UMODL1: variants seen among roughly 807,000 people sequenced by gnomAD.
UMODL1 encodes the protein uromodulin like 1.
A neutral mutation model predicts 136.3 loss-of-function variants in UMODL1; 128 were observed. That is an observed-to-expected ratio of 0.94 (90% confidence interval 0.81 to 1.09). UMODL1 has a LOEUF of 1.09. Among genes scored for constraint, UMODL1 ranks in the 50% least tolerant of loss-of-function variants. UMODL1 has a pLI of 0.00. For missense variants in UMODL1, 1,766 were observed against 1,725.6 expected (o/e 1.02, Z -0.41); for synonymous variants, 721 against 720.0 (o/e 1.00, Z -0.02).
In UMODL1 at chr21:42,123,219, G is replaced by T; in HGVS notation, c.3147+69G>T. The T allele has an allele frequency of 2.7e-6, 4 of 1,503,376 alleles. No homozygotes were observed. Among genetic ancestry groups the T allele is most frequent in the Non-Finnish European group, 3.6e-6 (4 of 1,113,938 alleles). The allele number at this position is 1,503,376 out of a possible 1,614,324, so 93.1% of individuals were successfully genotyped here. On this transcript the variant is annotated intron_variant, in intron 17 of 22. Transcript: ENST00000408910. This position sits in a 1 kb window ranked among gnomAD's most constrained non-coding sequence, Gnocchi z 4.4. The stretch of plus-strand genomic sequence containing the variant: ...AGGGGCTCTAGGTTACATGGGCCTC[G>T]ATGTGGGAGGGCCAGGCAAGACTCT...
intron 21 of UMODL1, among the ~76,000 whole-genome samples, chr21:42,134,265 G>T (rs1052107702): frequency 1.6e-4 from 25 of 152,212 alleles, no homozygotes; most frequent in African/African-American, 6.0e-4. Flanking sequence ...ATTTAAGAAA[G>T]AATCCATTCG....
chr21:42,113,396 G>A (rs946089752), intron 12 of UMODL1, among the ~76,000 whole-genome samples, 177 bp from the exon 13 acceptor site: 2 of 152,210 alleles, frequency 1.3e-5, no homozygotes, highest in African/African-American at 2.4e-5. Context: ...GCAGGCCCAG[G>A]AAGCCCGGGC....
intron 10 of UMODL1, among the ~76,000 whole-genome samples, chr21:42,110,168 G>T (rs1348074958): frequency 6.6e-6 from 1 of 152,166 alleles, no homozygotes; most frequent in South Asian, 2.1e-4. Context: ...CTGCTGTATC[G>T]GCCCCCAGTC....
At chr21:42,115,717 T>C (rs1401476124) in intron 13 of UMODL1, among the ~76,000 whole-genome samples, 156 bp from the exon 14 acceptor site, 1 of 152,184 alleles carries the variant, frequency 6.6e-6, no homozygotes, top group Non-Finnish European at 1.5e-5. Flanking sequence ...ATGGGCTGTG[T>C]CCCTGAGCCC....
At chr21:42,139,384 A>G (rs1601293462) in intron 22 of UMODL1, among the ~76,000 whole-genome samples, 2 of 152,172 alleles carry the variant, frequency 1.3e-5, no homozygotes, top group African/African-American at 2.4e-5. Context: ...TGTTTAATCA[A>G]CCAGATCTTA....
chr21:42,068,027 C>T (rs1372154686), upstream of UMODL1, among the ~76,000 whole-genome samples: 1 of 152,090 alleles, frequency 6.6e-6, no homozygotes, highest in East Asian at 1.9e-4. This position sits in a 1 kb window ranked among gnomAD's most constrained non-coding sequence, Gnocchi z 5.5. Flanking sequence ...ACAGAGGCGG[C>T]CCGGAGAACT....
chr21:42,135,003 G>T (rs1419350392), intron 21 of UMODL1, among the ~76,000 whole-genome samples: 1 of 152,190 alleles, frequency 6.6e-6, no homozygotes, highest in Non-Finnish European at 1.5e-5. Context: ...TGCCACGGTG[G>T]TTTGCTGCAC....
At chr21:42,113,889 G>A in intron 13 of UMODL1, 59 bp downstream of exon 13, 1 of 1,572,438 alleles carries the variant, frequency 6.4e-7, no homozygotes, top group Non-Finnish European at 8.6e-7. Flanking sequence ...AAGACTTTCT[G>A]TGGGTTAAGG....
In UMODL1 at chr21:42,123,851, G is replaced by C. The variant is rs868349601; in HGVS notation, c.3147+701G>C. ...TGGCATTAGTCAGAACTGCTCTGTC[G>C]GAGGGACTGTGTTCCTAGCGAACAT... On this transcript the variant is annotated intron_variant, in intron 17 of 22. Transcript: ENST00000408910. This position sits in a 1 kb window ranked among gnomAD's most constrained non-coding sequence, Gnocchi z 4.4. 1.3e-4 allele frequency among the ~76,000 whole-genome samples: 20 copies of C among 152,298 alleles called. No homozygotes were observed. Among genetic ancestry groups the C allele is most frequent in the African/African-American group, 4.1e-4 (17 of 41,576 alleles).
chr21:42,113,635 T>C lies in UMODL1; in HGVS notation c.2167T>C (p.Trp723Arg). 1 of 1,614,070 alleles carries C rather than the reference T, an allele frequency of 6.2e-7. No individual in the cohort carries two copies. The highest frequency in any genetic ancestry group is 1.1e-5 in the South Asian group (1 of 91,084). Reference sequence around the variant, plus strand: ...GACCAGCACCGGCTTCCACCTGGCATGGGAGGCGGATCTTGCTATGGACTC... The same window carrying C: ...GACCAGCACCGGCTTCCACCTGGCACGGGAGGCGGATCTTGCTATGGACTC... ...NVTSTGFHLA[W>R]EADLAMDSTF... The change falls in exon 13 of 23, where the codon TGG becomes CGG. Residue 723 changes from tryptophan (W) to arginine (R), a missense_variant. Transcript: ENST00000408910.
chr21:42,096,353 C>T (rs532957702), intron 6 of UMODL1, among the ~76,000 whole-genome samples: 3 of 152,298 alleles, frequency 2.0e-5, no homozygotes, highest in South Asian at 2.1e-4. Flanking sequence ...GAGGGCTTCA[C>T]AGCATTTGAA....
At chr21:42,098,212 C>T (rs1459626866) in intron 6 of UMODL1, among the ~76,000 whole-genome samples, 4 of 152,156 alleles carry the variant, frequency 2.6e-5, no homozygotes, top group Non-Finnish European at 4.4e-5. Context: ...CCACCGATTC[C>T]GGATCCCAGA....
rs574241725 is a variant in UMODL1, at chr21:42,121,126, C to T, written c.2729C>T (p.Pro910Leu). 23 of 1,613,916 alleles carry T rather than the reference C, an allele frequency of 1.4e-5. No individual in the cohort carries two copies. Among genetic ancestry groups the T allele is most frequent in the East Asian group, 8.9e-5 (4 of 44,886 alleles). Residue 910 changes from proline (P) to leucine (L), a missense_variant, in exon 16 of 23, where the codon CCG becomes CTG. Coordinates refer to ENST00000408910, the MANE Select transcript of UMODL1 (RefSeq NM_001004416.3). ...ECERKEDDCV[P>L]GTSCRNTLGS... ...GAAAGGAAGGAGGACGACTGTGTGC[C>T]GGGGACATCCTGTCGAAACACCCTC...
chr21:42,139,608 C>T (rs556314934), intron 22 of UMODL1, among the ~76,000 whole-genome samples: 88 of 152,242 alleles, frequency 5.8e-4, no homozygotes, highest in Middle Eastern at 3.4e-3. Context: ...GCCAATTTTC[C>T]CTCGATGTTT....
intron 2 of UMODL1, among the ~76,000 whole-genome samples, chr21:42,081,296 C>T (rs560472348): frequency 6.6e-6 from 1 of 152,360 alleles, no homozygotes; most frequent in African/African-American, 2.4e-5. Context: ...CTCAGCCCAC[C>T]CAGTCCTCAG....
At position 42,077,723 on chromosome 21, in the gene UMODL1, G is replaced by C. The variant is rs2124342; in HGVS notation, c.319+1476G>C. Among the ~76,000 whole-genome samples, 66 of 151,872 alleles carry C rather than the reference G, an allele frequency of 4.3e-4. 1 individual carries two copies. The East Asian group carries it at 6.6e-3, about 15-fold the overall frequency. On this transcript the variant is annotated intron_variant, in intron 2 of 22. Coordinates refer to ENST00000408910, the MANE Select transcript of UMODL1 (RefSeq NM_001004416.3). The stretch of plus-strand genomic sequence containing the variant: ...GAGGAAGGGGCTGCCAGTGAAAGAG[G>C]CAAGATGGAGTCTGTCTGGCTCTCT...
At chr21:42,084,754 A>G (rs1156447443) in intron 3 of UMODL1, among the ~76,000 whole-genome samples, 1 of 150,090 alleles carries the variant, frequency 6.7e-6, no homozygotes, top group Non-Finnish European at 1.5e-5. Flanking sequence ...ATATTATTTA[A>G]TATTTAAAAT....
intron 20 of UMODL1, 194 bp downstream of exon 20, chr21:42,128,025 CAT>C (rs1460637508): frequency 1.4e-5 from 10 of 728,544 alleles, no homozygotes; most frequent in South Asian, 1.3e-4. Context: ...ACGGAGGACT[CAT>C]GTGGACTGGT....
At chr21:42,103,305 A>C in intron 8 of UMODL1, 1 of 205,942 alleles carries the variant, frequency 4.9e-6, no homozygotes, top group Non-Finnish European at 1.0e-5. Context: ...GTTTTCAGAG[A>C]ATTCCCTCCC....
Sources: gnomAD v4.1 joint callset for allele counts (sites outside exome capture counted in the v4.1 genomes callset) on GRCh38, gnomAD v4.1.1 for gene constraint, Gnocchi (gnomAD v3.1) non-coding constraint, MANE v1.5 for transcripts, NCBI Gene and HGNC (gene_info 2026-07-23, HGNC 2026-07-21) for gene names.